SLC4A4: variants seen among roughly 807,000 people sequenced by gnomAD.
SLC4A4 encodes electrogenic sodium bicarbonate cotransporter 1.
Under a neutral mutation model 111.5 loss-of-function variants are expected in SLC4A4, and 27 were observed. The observed-to-expected ratio is 0.24, with a 90% CI of 0.18 to 0.33. SLC4A4 has a LOEUF of 0.33. Ranked by LOEUF, SLC4A4 falls within the 10% of genes least tolerant of loss-of-function variation. The pLI is 1.00. For synonymous variants in SLC4A4, 443 were observed against 463.4 expected, an observed-to-expected ratio of 0.96 and a Z score of 0.57; for missense variants, 909 against 1,315.5, an observed-to-expected ratio of 0.69 and a Z score of 4.78.
At chr4:71,176,811 T>C (rs1267057210) in intron 2 of SLC4A4, among the ~76,000 whole-genome samples, 1 of 152,022 alleles carries the variant, frequency 6.6e-6, no homozygotes, top group East Asian at 1.9e-4. Context: ...AACATTCAAA[T>C]TCAGGAAATA....
intron 1 of SLC4A4, among the ~76,000 whole-genome samples, chr4:71,232,050 G>A (rs933833159): frequency 6.6e-6 from 1 of 152,180 alleles, no homozygotes; most frequent in African/African-American, 2.4e-5. Context: ...TTCTAAGGAG[G>A]AGTGAGGGCT....
At chr4:71,210,803 C>A (rs906198022) in intron 1 of SLC4A4, among the ~76,000 whole-genome samples, 4 of 152,186 alleles carry the variant, frequency 2.6e-5, no homozygotes, top group Non-Finnish European at 5.9e-5. Context: ...AATGAAGTGT[C>A]TGTATCTTAT....
chr4:71,560,041 G>C, intron 22 of SLC4A4, 52 bp from the exon 23 acceptor site: 1 of 1,420,506 alleles, frequency 7.0e-7, no homozygotes, highest in Non-Finnish European at 9.9e-7. Context: ...TATGCTTGCT[G>C]TGACTTCATC....
intron 6 of SLC4A4, among the ~76,000 whole-genome samples, chr4:71,370,260 A>G (rs1240427939): frequency 1.3e-5 from 2 of 152,172 alleles, no homozygotes; most frequent in Admixed American, 6.5e-5. Flanking sequence ...GCTTCATCAT[A>G]TGGTAGTTTC....
chr4:71,443,116 C>CTCTCTCTCTCTATATATA (rs1198759861), intron 8 of SLC4A4, among the ~76,000 whole-genome samples: 1 of 65,654 alleles, frequency 1.5e-5, no homozygotes, highest in African/African-American at 8.7e-5. Context: ...CTCTCTCTCT[C>CTCTCTCTCTCTATATATA]TATATATATA....
chr4:71,420,616 A>T (rs931010182), intron 7 of SLC4A4, among the ~76,000 whole-genome samples: 2 of 152,256 alleles, frequency 1.3e-5, no homozygotes, highest in African/African-American at 4.8e-5. Flanking sequence ...AGGGAAGCCC[A>T]TCAGACTAAC....
At chr4:71,527,721 C>A (rs1440472605) in intron 16 of SLC4A4, among the ~76,000 whole-genome samples, 1 of 151,708 alleles carries the variant, frequency 6.6e-6, no homozygotes, top group African/African-American at 2.4e-5. Context: ...GGAGAGCTAT[C>A]TGCCTTTTAA....
chr4:71,173,092 C>T (rs1744987288), intron 2 of SLC4A4, among the ~76,000 whole-genome samples: 2 of 152,172 alleles, frequency 1.3e-5, no homozygotes, highest in Admixed American at 1.3e-4. Flanking sequence ...GGAAGGACTG[C>T]AGATAGAAAG....
chr4:71,186,785 C>A (rs1421233507), upstream of SLC4A4: 1 of 152,282 alleles, frequency 6.6e-6, no homozygotes, highest in East Asian at 1.9e-4. Flanking sequence ...CCGCCGCGGC[C>A]GCCTTCCGTG....
chr4:71,451,733 GGT>G (rs1219245617), intron 11 of SLC4A4, among the ~76,000 whole-genome samples: 1 of 152,074 alleles, frequency 6.6e-6, no homozygotes, highest in Admixed American at 6.5e-5. Flanking sequence ...CAGAGTGCCT[GGT>G]GTGTGACAGG....
chr4:71,335,022 G>A (rs1009981940), intron 3 of SLC4A4, among the ~76,000 whole-genome samples: 9 of 152,116 alleles, frequency 5.9e-5, no homozygotes, highest in Non-Finnish European at 1.0e-4. Flanking sequence ...ATTCTATGGA[G>A]TACGTATGGA....
At chr4:71,419,314 C>G (rs981808649) in intron 7 of SLC4A4, among the ~76,000 whole-genome samples, 21 of 152,234 alleles carry the variant, frequency 1.4e-4, no homozygotes, top group Non-Finnish European at 2.8e-4. Context: ...CCTACAGAGG[C>G]AGGCAGGCCT....
intron 14 of SLC4A4, among the ~76,000 whole-genome samples, chr4:71,481,805 G>A (rs1728907337): frequency 6.6e-6 from 1 of 151,708 alleles, no homozygotes; most frequent in South Asian, 2.1e-4. Flanking sequence ...TGGGAAGGAG[G>A]AAAGAGATAT....
intron 1 of SLC4A4, among the ~76,000 whole-genome samples, chr4:71,190,213 G>T (rs1745663304): frequency 1.3e-5 from 2 of 152,238 alleles, no homozygotes; most frequent in African/African-American, 4.8e-5. Flanking sequence ...AATACATTTT[G>T]CCTTTCTCCC....
At chr4:71,071,256 T>A in intron 1 of SLC4A4, among the ~76,000 whole-genome samples, 1 of 125,722 alleles carries the variant, frequency 8.0e-6, no homozygotes. Context: ...GGCGACAGAG[T>A]GAGACCGTCT....
chr4:71,546,081 A>G (rs781480062), intron 18 of SLC4A4, among the ~76,000 whole-genome samples: 26 of 152,210 alleles, frequency 1.7e-4, no homozygotes, highest in Non-Finnish European at 2.6e-4. Context: ...GAATAAACAA[A>G]TAATAAGTGT....
chr4:71,425,301 A>G (rs551293108), intron 7 of SLC4A4, among the ~76,000 whole-genome samples: 1 of 152,220 alleles, frequency 6.6e-6, no homozygotes, highest in South Asian at 2.1e-4. Flanking sequence ...AACACTGGTA[A>G]ACTATATAGA....
intron 2 of SLC4A4, among the ~76,000 whole-genome samples, chr4:71,125,671 G>A (rs1488101453): frequency 6.6e-6 from 1 of 152,164 alleles, no homozygotes; most frequent in Non-Finnish European, 1.5e-5. Flanking sequence ...ATAAATTTCA[G>A]TTTAGGCATG....
intron 1 of SLC4A4, among the ~76,000 whole-genome samples, chr4:71,226,541 A>G (rs751639739): frequency 3.3e-5 from 5 of 152,296 alleles, no homozygotes; most frequent in Admixed American, 6.5e-5. Flanking sequence ...GTTAGTCTAT[A>G]AAGAGAAAAT....
Sources: allele counts gnomAD v4.1 joint callset (sites outside exome capture counted in the v4.1 genomes callset), GRCh38; gene constraint gnomAD v4.1.1; transcripts MANE v1.5; gene names NCBI Gene and HGNC (gene_info 2026-07-23, HGNC 2026-07-21).